LUZP2: variants seen among roughly 807,000 people sequenced by gnomAD.
The protein encoded by LUZP2 is leucine zipper protein 2.
In LUZP2, 52 loss-of-function variants were observed where a neutral mutation model predicts 51.6. That is an observed-to-expected ratio of 1.01 (90% CI 0.81 to 1.27). LUZP2 has a LOEUF of 1.27. Among genes scored for constraint, LUZP2 ranks in the 50% most tolerant of loss-of-function variants. LUZP2 has a pLI of 0.00. For missense variants in LUZP2, 436 were observed against 395.4 expected (o/e 1.10, Z -0.87); for synonymous variants, 154 against 137.3 (o/e 1.12, Z -0.85).
intron 4 of LUZP2, among the ~76,000 whole-genome samples, chr11:24,747,351 T>C (rs575397439): frequency 2.0e-5 from 3 of 152,254 alleles, no homozygotes; most frequent in African/African-American, 4.8e-5. Context: ...TCTACCTAGC[T>C]CTGGGCCAGT....
intron 7 of LUZP2, among the ~76,000 whole-genome samples, chr11:24,916,625 G>A (rs1313219739): frequency 1.5e-4 from 23 of 152,192 alleles, no homozygotes; most frequent in African/African-American, 5.3e-4. Context: ...GAGAATGATA[G>A]TTTCCAGCTT....
At chr11:25,048,210 C>T (rs537694059) in intron 9 of LUZP2, among the ~76,000 whole-genome samples, 1 of 152,194 alleles carries the variant, frequency 6.6e-6, no homozygotes, top group Admixed American at 6.5e-5. Flanking sequence ...CTCCTTCTAC[C>T]CTATAGACCA....
chr11:24,898,961 T>G (rs995530441), intron 5 of LUZP2, among the ~76,000 whole-genome samples: 5 of 152,080 alleles, frequency 3.3e-5, no homozygotes, highest in Non-Finnish European at 7.3e-5. Flanking sequence ...AAAGATTCTT[T>G]TCTACCTGTT....
At chr11:24,946,331 T>G (rs554112018) in intron 7 of LUZP2, among the ~76,000 whole-genome samples, 1 of 152,024 alleles carries the variant, frequency 6.6e-6, no homozygotes, top group South Asian at 2.1e-4. Flanking sequence ...CCCATTCATA[T>G]TTGATGCAAT....
At chr11:24,634,383 A>G (rs1855000802) in intron 1 of LUZP2, among the ~76,000 whole-genome samples, 2 of 152,038 alleles carry the variant, frequency 1.3e-5, no homozygotes. Context: ...TTGTCTTTGT[A>G]TGGCTATCAC....
chr11:24,919,793 A>G (rs1030645450), intron 7 of LUZP2, among the ~76,000 whole-genome samples: 4 of 150,958 alleles, frequency 2.6e-5, no homozygotes, highest in Non-Finnish European at 4.4e-5. Flanking sequence ...TTAAAATATT[A>G]ATTATTGCTA....
At chr11:24,640,929 ATATG>A (rs767875395) in intron 1 of LUZP2, among the ~76,000 whole-genome samples, 35 of 150,778 alleles carry the variant, frequency 2.3e-4, no homozygotes, top group Non-Finnish European at 3.7e-4. Flanking sequence ...TTTAATATAT[ATATG>A]TATGTATGTG....
chr11:24,778,364 G>T (rs773828092), intron 5 of LUZP2, among the ~76,000 whole-genome samples: 37 of 152,246 alleles, frequency 2.4e-4, no homozygotes, highest in Middle Eastern at 6.8e-3. Flanking sequence ...ACAGTGAGTT[G>T]TGGTCATACC....
At chr11:24,849,842 A>T (rs542159136) in intron 5 of LUZP2, among the ~76,000 whole-genome samples, 4 of 152,254 alleles carry the variant, frequency 2.6e-5, no homozygotes, top group African/African-American at 7.2e-5. Context: ...ATGGTATCTC[A>T]TTGTGGTTTT....
At chr11:25,067,797 G>A (rs1859040056) in intron 10 of LUZP2, among the ~76,000 whole-genome samples, 1 of 151,940 alleles carries the variant, frequency 6.6e-6, no homozygotes, top group South Asian at 2.1e-4. Flanking sequence ...AATATCATTT[G>A]ACCCAGCAGT....
At chr11:24,816,501 T>C (rs1046098465) in intron 5 of LUZP2, among the ~76,000 whole-genome samples, 1 of 151,998 alleles carries the variant, frequency 6.6e-6, no homozygotes, top group African/African-American at 2.4e-5. Flanking sequence ...GGAAAAATAT[T>C]TTGATCTCAT....
At chr11:24,996,482 G>C (rs562214280) in intron 9 of LUZP2, among the ~76,000 whole-genome samples, 1 of 151,802 alleles carries the variant, frequency 6.6e-6, no homozygotes, top group Admixed American at 6.6e-5. Flanking sequence ...ATTAGAACTA[G>C]GATTTTCCAT....
chr11:24,817,499 TGA>T (rs1164714111), intron 5 of LUZP2, among the ~76,000 whole-genome samples: 1 of 152,030 alleles, frequency 6.6e-6, no homozygotes, highest in Non-Finnish European at 1.5e-5. Context: ...AACTGATGAA[TGA>T]GAGAGTTGGA....
chr11:24,840,380 A>G (rs1479514644), intron 5 of LUZP2, among the ~76,000 whole-genome samples: 1 of 151,870 alleles, frequency 6.6e-6, no homozygotes, highest in Non-Finnish European at 1.5e-5. Flanking sequence ...TTGACATCAT[A>G]TAATCTCTTA....
chr11:24,830,770 G>A (rs1014721609), intron 5 of LUZP2, among the ~76,000 whole-genome samples: 3 of 151,956 alleles, frequency 2.0e-5, no homozygotes, highest in South Asian at 2.1e-4. Context: ...CGAGGCGGGC[G>A]GATCATGAGG....
At chr11:24,581,483 C>T (rs1229538142) in intron 1 of LUZP2, among the ~76,000 whole-genome samples, 1 of 151,898 alleles carries the variant, frequency 6.6e-6, no homozygotes, top group Non-Finnish European at 1.5e-5. Flanking sequence ...TCAGGCTCTC[C>T]AACATGGCGA....
At chr11:24,655,708 T>C (rs1855778420) in intron 1 of LUZP2, among the ~76,000 whole-genome samples, 1 of 152,144 alleles carries the variant, frequency 6.6e-6, no homozygotes, top group South Asian at 2.1e-4. Context: ...ATTGTCAGTG[T>C]TTGGAATTTA....
At chr11:24,902,891 G>T (rs1853322641) in intron 5 of LUZP2, among the ~76,000 whole-genome samples, 1 of 151,852 alleles carries the variant, frequency 6.6e-6, no homozygotes, top group Non-Finnish European at 1.5e-5. Context: ...AAAAATAAAT[G>T]AATACAAACA....
intron 1 of LUZP2, among the ~76,000 whole-genome samples, chr11:24,710,893 G>A (rs1211946700): frequency 7.5e-6 from 1 of 134,072 alleles, no homozygotes; most frequent in East Asian, 2.6e-4. Flanking sequence ...AAGAGACAAA[G>A]AGAAAGGAAA....
Sources: allele counts gnomAD v4.1 joint callset (sites outside exome capture counted in the v4.1 genomes callset), GRCh38; gene constraint gnomAD v4.1.1; transcripts MANE v1.5; gene names NCBI Gene and HGNC (gene_info 2026-07-23, HGNC 2026-07-21).